TBC1D5: variants seen among roughly 807,000 people sequenced by gnomAD.
The protein encoded by TBC1D5 is TBC1 domain family member 5.
A neutral mutation model predicts 100.3 loss-of-function variants in TBC1D5; 75 were observed. That is an observed-to-expected ratio of 0.75 (90% confidence interval 0.62 to 0.91). The LOEUF (loss-of-function observed/expected upper bound fraction) is 0.91, where lower values mean the gene tolerates loss of function less well. Ranked by LOEUF, TBC1D5 falls within the 40% of genes least tolerant of loss-of-function variation. The pLI, the probability that TBC1D5 is intolerant of heterozygous loss-of-function variation, is 0.00. For missense variants in TBC1D5, 910 were observed against 942.4 expected, an observed-to-expected ratio of 0.97 and a Z score of 0.45; for synonymous variants, 323 against 325.6, an observed-to-expected ratio of 0.99 and a Z score of 0.09.
At chr3:17,673,985 T>C (rs1453375457) in intron 1 of TBC1D5, among the ~76,000 whole-genome samples, 3 of 152,218 alleles carry the variant, frequency 2.0e-5, no homozygotes, top group African/African-American at 4.8e-5. Flanking sequence ...ACAAACAGGC[T>C]TGAGAGCCTG....
rs139199765 is a variant in TBC1D5 at position 17,433,864 on chromosome 3, C to G, written c.98-5345G>C. On this transcript the variant is annotated intron_variant, in intron 3 of 21. Coordinates refer to ENST00000253692, the Ensembl canonical transcript of TBC1D5. ...GGGGTACAGGCATTGAGCAATACAC[C>G]CGCTCCAAATGAGAGAAACTGACCA... Among the ~76,000 whole-genome samples the G allele has an allele frequency of 3.5e-3, 540 of 152,240 alleles. 1 individual carries two copies. The highest frequency in any genetic ancestry group is 6.1e-3 in the Non-Finnish European group (417 of 68,018).
chr3:17,527,306 G>C lies in TBC1D5; in HGVS notation c.-35-18701C>G, dbSNP rs570112073. Among the ~76,000 whole-genome samples, 38 of 152,268 alleles carry C rather than the reference G, an allele frequency of 2.5e-4. 1 individual carries two copies. Among genetic ancestry groups the C allele is most frequent in the South Asian group, 2.1e-3 (10 of 4,826 alleles). Reference sequence around the variant, plus strand: ...GAGGGAACAAGCCACATGATAACCTGAAAGAAGAGCATGCTGCGAACAGCA... The same window carrying C: ...GAGGGAACAAGCCACATGATAACCTCAAAGAAGAGCATGCTGCGAACAGCA... On this transcript the variant is annotated intron_variant, in intron 2 of 21. Transcript: ENST00000253692.
chr3:17,469,706 C>T (rs897607442), intron 3 of TBC1D5, among the ~76,000 whole-genome samples: 10 of 152,224 alleles, frequency 6.6e-5, no homozygotes, highest in African/African-American at 2.4e-4. Flanking sequence ...GCCTCACATG[C>T]TAATTCCCTG....
At chr3:17,474,501 T>C (rs1049406376) in intron 3 of TBC1D5, among the ~76,000 whole-genome samples, 1 of 152,096 alleles carries the variant, frequency 6.6e-6, no homozygotes, top group Non-Finnish European at 1.5e-5. Flanking sequence ...AAGGAATCAA[T>C]TCTCTATCCA....
intron 1 of TBC1D5, among the ~76,000 whole-genome samples, chr3:17,638,867 A>C (rs1173742486): frequency 6.6e-6 from 1 of 152,172 alleles, no homozygotes; most frequent in Non-Finnish European, 1.5e-5. Flanking sequence ...AGACAATAAT[A>C]AATACTGACA....
intron 2 of TBC1D5, among the ~76,000 whole-genome samples, chr3:17,612,748 T>C (rs1292306655): frequency 6.6e-6 from 1 of 151,758 alleles, no homozygotes; most frequent in East Asian, 1.9e-4. Flanking sequence ...TGGGAAATCC[T>C]AGAAAACTGA....
chr3:17,706,771 CTT>C (rs1356125966), intron 1 of TBC1D5, among the ~76,000 whole-genome samples: 3 of 151,522 alleles, frequency 2.0e-5, no homozygotes, highest in Non-Finnish European at 2.9e-5. Context: ...TTTAAATTAT[CTT>C]TGTTTTATAA....
chr3:17,247,716 A>T (rs1354298900), intron 16 of TBC1D5, among the ~76,000 whole-genome samples: 1 of 152,240 alleles, frequency 6.6e-6, no homozygotes, highest in African/African-American at 2.4e-5. Context: ...AACTTCTTTA[A>T]AATTGGAGTC....
intron 1 of TBC1D5, among the ~76,000 whole-genome samples, chr3:17,642,376 A>T (rs1218263906): frequency 2.6e-5 from 4 of 152,138 alleles, no homozygotes; most frequent in Admixed American, 2.0e-4. Context: ...CATATAAGGT[A>T]GAGTTATTCC....
chr3:17,567,481 T>C (rs2096600919), intron 2 of TBC1D5, among the ~76,000 whole-genome samples: 1 of 151,818 alleles, frequency 6.6e-6, no homozygotes, highest in African/African-American at 2.4e-5. Flanking sequence ...TCCTGCCATT[T>C]GGGAGCTCTA....
At chr3:17,665,297 T>C in intron 1 of TBC1D5, among the ~76,000 whole-genome samples, 1 of 152,202 alleles carries the variant, frequency 6.6e-6, no homozygotes, top group East Asian at 1.9e-4. Context: ...GACCAACTCT[T>C]TGTAGTAGAA....
chr3:17,587,328 A>T (rs1576864052), intron 2 of TBC1D5, among the ~76,000 whole-genome samples: 2 of 152,046 alleles, frequency 1.3e-5, no homozygotes, highest in Non-Finnish European at 1.5e-5. Context: ...TTAAGCTTCA[A>T]CAACCTGTTA....
chr3:17,508,997 G>T (rs1237820052), intron 2 of TBC1D5, among the ~76,000 whole-genome samples: 1 of 152,014 alleles, frequency 6.6e-6, no homozygotes, highest in Non-Finnish European at 1.5e-5. Flanking sequence ...AATTATTCAT[G>T]ATAGTATTAG....
Position 17,428,532 on chromosome 3 carries a change from A to G in TBC1D5, c.98-13T>C. 7.0e-7 allele frequency: 1 copy of G among 1,431,848 alleles called. No individual in the cohort carries two copies. Among genetic ancestry groups the G allele is most frequent in the South Asian group, 1.4e-5 (1 of 70,660 alleles). The allele number at this position is 1,431,848 out of a possible 1,614,324, so 88.7% of individuals were successfully genotyped here. ...TTATTTGAATCTCCTGGAGAAAAAAATTACGACACTGAAATAATGGAGATA... is the reference window on the plus strand; with the variant it reads ...TTATTTGAATCTCCTGGAGAAAAAAGTTACGACACTGAAATAATGGAGATA... On this transcript the variant is annotated splice_polypyrimidine_tract_variant and intron_variant, in intron 3 of 21. Coordinates refer to ENST00000253692, the Ensembl canonical transcript of TBC1D5.
rs548978025 is a variant in TBC1D5 at position 17,176,802 on chromosome 3, G to GA, written c.1852+8306dup. ...CACCCCAGAACTTAAAAGTATGATT[G>GA]AAAAAAAAAAAAAGAAAAGAAATCC... On this transcript the variant is annotated intron_variant, in intron 19 of 21. Transcript: ENST00000253692. Among the ~76,000 whole-genome samples the GA allele has an allele frequency of 6.6e-3, 849 of 128,136 alleles. 4 individuals carry two copies. Among genetic ancestry groups the GA allele is most frequent in the East Asian group, 0.014 (66 of 4,566 alleles). The allele number at this position is 128,136 out of a possible 152,430, so 84.1% of individuals were successfully genotyped here. A position where few individuals can be genotyped will look rare whatever the true frequency, so the allele number is the denominator to read the frequency against.
At chr3:17,675,333 G>A (rs1005339576) in intron 1 of TBC1D5, among the ~76,000 whole-genome samples, 2 of 151,990 alleles carry the variant, frequency 1.3e-5, no homozygotes, top group African/African-American at 2.4e-5. Context: ...ATGTGTGAAC[G>A]TTCTACTAAA....
At chr3:17,268,371 C>A (rs1451040313) in intron 15 of TBC1D5, among the ~76,000 whole-genome samples, 3 of 152,054 alleles carry the variant, frequency 2.0e-5, no homozygotes, top group Non-Finnish European at 4.4e-5. Context: ...ACAGAATCCT[C>A]TGCTTTCTGG....
chr3:17,395,274 T>G (rs2093468915), intron 8 of TBC1D5, among the ~76,000 whole-genome samples: 1 of 152,050 alleles, frequency 6.6e-6, no homozygotes, highest in Non-Finnish European at 1.5e-5. Flanking sequence ...AAAAACATCT[T>G]TCTGTTCCTA....
At chr3:17,206,305 ATTTAG>A (rs1318951568) in intron 18 of TBC1D5, among the ~76,000 whole-genome samples, 4 of 152,102 alleles carry the variant, frequency 2.6e-5, no homozygotes, top group African/African-American at 9.7e-5. Context: ...AGATATTTTA[ATTTAG>A]TTTAATTACT....
Sources: allele counts gnomAD v4.1 joint callset (sites outside exome capture counted in the v4.1 genomes callset), GRCh38; gene constraint gnomAD v4.1.1; transcripts MANE v1.5; gene names NCBI Gene and HGNC (gene_info 2026-07-23, HGNC 2026-07-21).